The following FHIT variants were observed in gnomAD, a reference collection of about 807,000 sequenced individuals.
FHIT encodes fragile histidine triad diadenosine triphosphatase.
Under a neutral mutation model 17.9 loss-of-function variants are expected in FHIT, and 19 were observed. The observed-to-expected ratio is 1.06, with a 90% CI of 0.74 to 1.56. The LOEUF (loss-of-function observed/expected upper bound fraction) is 1.56, where lower values mean the gene tolerates loss of function less well. FHIT is among the 40% of genes most tolerant of loss of function. The pLI is 0.00. For missense variants in FHIT, 248 were observed against 189.2 expected (o/e 1.31, Z -1.82); for synonymous variants, 81 against 69.7 (o/e 1.16, Z -0.81).
chr3:60,783,642 C>A (rs1403433042), intron 4 of FHIT, among the ~76,000 whole-genome samples: 1 of 151,988 alleles, frequency 6.6e-6, no homozygotes, highest in African/African-American at 2.4e-5. Context: ...CCTGATAAAT[C>A]ACTTCTATAA....
intron 8 of FHIT, among the ~76,000 whole-genome samples, chr3:59,809,850 C>G (rs567779326): frequency 1.3e-5 from 2 of 152,154 alleles, no homozygotes; most frequent in East Asian, 3.9e-4. Flanking sequence ...CTTTGTTCCC[C>G]GCTCTCCTTT....
At chr3:60,647,986 G>A (rs1336126042) in intron 4 of FHIT, among the ~76,000 whole-genome samples, 1 of 152,102 alleles carries the variant, frequency 6.6e-6, no homozygotes, top group Non-Finnish European at 1.5e-5. Context: ...GAGTTTGTGG[G>A]GAAGAATAAG....
chr3:61,206,539 T>A (rs963712131), intron 1 of FHIT, among the ~76,000 whole-genome samples: 9 of 152,218 alleles, frequency 5.9e-5, no homozygotes, highest in Non-Finnish European at 1.2e-4. Context: ...TTCCCCTCCC[T>A]TGTAAGATGG....
chr3:60,018,750 C>T (rs374201590), intron 5 of FHIT, among the ~76,000 whole-genome samples: 33 of 152,140 alleles, frequency 2.2e-4, no homozygotes, highest in East Asian at 1.9e-3. Flanking sequence ...GGCCAAAGCG[C>T]GCGAATCACC....
chr3:60,635,670 C>A (rs1366733664), intron 4 of FHIT, among the ~76,000 whole-genome samples: 1 of 152,152 alleles, frequency 6.6e-6, no homozygotes, highest in Non-Finnish European at 1.5e-5. Context: ...AGATTAAAAG[C>A]TCAGAGGAGT....
At chr3:61,169,419 G>A (rs1208892000) in intron 2 of FHIT, among the ~76,000 whole-genome samples, 1 of 152,064 alleles carries the variant, frequency 6.6e-6, no homozygotes, top group East Asian at 1.9e-4. Context: ...TTTAGCATGT[G>A]TTCATTTTTA....
At chr3:60,920,787 A>C (rs1272646588) in intron 3 of FHIT, among the ~76,000 whole-genome samples, 1 of 152,154 alleles carries the variant, frequency 6.6e-6, no homozygotes, top group African/African-American at 2.4e-5. Context: ...AAGCCTTTGA[A>C]AGACTTTCAA....
chr3:60,885,783 T>G (rs1705195344), intron 3 of FHIT, among the ~76,000 whole-genome samples: 1 of 152,180 alleles, frequency 6.6e-6, no homozygotes, highest in African/African-American at 2.4e-5. Context: ...TTTTGCAAGG[T>G]GGGCTCTTGC....
chr3:61,036,507 C>T (rs994690270), intron 3 of FHIT, among the ~76,000 whole-genome samples: 1 of 152,072 alleles, frequency 6.6e-6, no homozygotes, highest in African/African-American at 2.4e-5. Flanking sequence ...ATAATTTGAC[C>T]CAAAAGCTTG....
At chr3:60,295,674 T>G (rs1355604370) in intron 5 of FHIT, among the ~76,000 whole-genome samples, 3 of 152,094 alleles carry the variant, frequency 2.0e-5, no homozygotes, top group Admixed American at 6.6e-5. Context: ...CTATTCAAAC[T>G]GTAGTAGGTT....
At chr3:60,902,109 A>G (rs1395629128) in intron 3 of FHIT, among the ~76,000 whole-genome samples, 1 of 152,228 alleles carries the variant, frequency 6.6e-6, no homozygotes, top group Non-Finnish European at 1.5e-5. Context: ...AAACACCACA[A>G]TCAAGATACA....
intron 5 of FHIT, among the ~76,000 whole-genome samples, chr3:60,259,176 G>A (rs1346314252): frequency 2.0e-5 from 3 of 152,074 alleles, no homozygotes. Flanking sequence ...AGCAGGCCAG[G>A]AATTGCTGAG....
At chr3:60,901,384 C>T (rs1706104604) in intron 3 of FHIT, among the ~76,000 whole-genome samples, 1 of 152,180 alleles carries the variant, frequency 6.6e-6, no homozygotes, top group Non-Finnish European at 1.5e-5. Context: ...AATAACATAA[C>T]AATGACTTTA....
chr3:59,972,418 T>G (rs968057101), intron 7 of FHIT, among the ~76,000 whole-genome samples: 27 of 152,106 alleles, frequency 1.8e-4, no homozygotes, highest in Non-Finnish European at 3.7e-4. Context: ...CATGTTTGGC[T>G]GGGAAGGTAT....
At chr3:60,078,870 G>C (rs552418808) in intron 5 of FHIT, among the ~76,000 whole-genome samples, 2 of 151,910 alleles carry the variant, frequency 1.3e-5, no homozygotes, top group East Asian at 3.9e-4. Flanking sequence ...TGAGGGAGGA[G>C]GGTAGAGGGA....
At chr3:60,518,652 A>T (rs573977412) in intron 5 of FHIT, among the ~76,000 whole-genome samples, 2 of 152,362 alleles carry the variant, frequency 1.3e-5, no homozygotes, top group South Asian at 4.1e-4. Flanking sequence ...TCGAAAAGTC[A>T]GTAATAACTA....
intron 3 of FHIT, among the ~76,000 whole-genome samples, chr3:60,924,760 G>A (rs994941244): frequency 2.6e-5 from 4 of 151,872 alleles, no homozygotes; most frequent in Non-Finnish European, 2.9e-5. Flanking sequence ...AAACTACTCC[G>A]ACCTAAAGGA....
chr3:61,232,173 C>T (rs1029403208), intron 1 of FHIT, among the ~76,000 whole-genome samples: 1 of 152,058 alleles, frequency 6.6e-6, no homozygotes, highest in African/African-American at 2.4e-5. Flanking sequence ...CACTTGAGGC[C>T]AGGAGTTCGA....
intron 4 of FHIT, among the ~76,000 whole-genome samples, chr3:60,621,727 G>T (rs776645993): frequency 6.6e-6 from 1 of 152,032 alleles, no homozygotes; most frequent in African/African-American, 2.4e-5. Flanking sequence ...ATTAAGTCAA[G>T]ATGAAAAGGA....
Sources: allele counts gnomAD v4.1 joint callset (sites outside exome capture counted in the v4.1 genomes callset), GRCh38; gene constraint gnomAD v4.1.1; transcripts MANE v1.5; gene names NCBI Gene and HGNC (gene_info 2026-07-23, HGNC 2026-07-21).